TRIM34: variants seen among roughly 807,000 people sequenced by gnomAD.
The protein encoded by TRIM34 is E3 ubiquitin-protein ligase TRIM34.
Under a neutral mutation model 38.1 loss-of-function variants are expected in TRIM34, and 41 were observed. The observed-to-expected ratio is 1.08, with a 90% CI of 0.84 to 1.40. TRIM34 has a LOEUF of 1.40. Among genes scored for constraint, TRIM34 ranks in the 40% most tolerant of loss-of-function variants. The pLI is 0.00. For synonymous variants in TRIM34, 200 were observed against 202.5 expected, an observed-to-expected ratio of 0.99 and a Z score of 0.10; for missense variants, 556 against 571.4, an observed-to-expected ratio of 0.97 and a Z score of 0.27.
intron 1 of TRIM34, among the ~76,000 whole-genome samples, chr11:5,627,816 T>C (rs895061071): frequency 4.6e-5 from 7 of 152,192 alleles, no homozygotes; most frequent in African/African-American, 1.7e-4. Flanking sequence ...AAGAAGTGTC[T>C]AGGATATTGT....
rs1850060041 is a variant in TRIM34, at chr11:5,642,559, A to G, written c.874+53A>G. ...ATGTGGGATTGTTGTGGTGTCAGGTAATAAACTGTCTAGGTGGGATAACTT... is the reference window on the plus strand; with the variant it reads ...ATGTGGGATTGTTGTGGTGTCAGGTGATAAACTGTCTAGGTGGGATAACTT... On this transcript the variant is annotated intron_variant, in intron 6 of 7. Coordinates refer to ENST00000429814, the MANE Select transcript of TRIM34 (RefSeq NM_021616.6). 13 of 1,595,396 alleles carry G rather than the reference A, an allele frequency of 8.1e-6. No individual in the cohort carries two copies. In the Admixed American group the frequency reaches 2.1e-4, roughly 26 times the overall value.
At chr11:5,629,042 C>A (rs188171147) in intron 1 of TRIM34, among the ~76,000 whole-genome samples, 3 of 152,006 alleles carry the variant, frequency 2.0e-5, no homozygotes, top group Non-Finnish European at 4.4e-5. Context: ...TTTGGGAGGC[C>A]GAGACAGGTG....
rs1344009813 is a variant in TRIM34, at chr11:5,634,878, A to G, written c.750+17A>G. On this transcript the variant is annotated intron_variant, in intron 4 of 7. Transcript: ENST00000429814. ...CTGCTGCAGGTAAGAAGGTTCGCTCAATCTGAGATTCTGGGAACACAGTTC... is the reference window on the plus strand; with the variant it reads ...CTGCTGCAGGTAAGAAGGTTCGCTCGATCTGAGATTCTGGGAACACAGTTC... 1 of 1,606,800 alleles carries G rather than the reference A, an allele frequency of 6.2e-7. No individual in the cohort carries two copies. Among genetic ancestry groups the G allele is most frequent in the Non-Finnish European group, 8.5e-7 (1 of 1,175,540 alleles).
chr11:5,638,765 G>A (rs1849855100), intron 4 of TRIM34, among the ~76,000 whole-genome samples: 1 of 151,422 alleles, frequency 6.6e-6, no homozygotes, highest in African/African-American at 2.4e-5. Flanking sequence ...ATGTAGTATT[G>A]TACCTGTACA....
chr11:5,639,647 T>C (rs1307240471), intron 4 of TRIM34, among the ~76,000 whole-genome samples: 1 of 116,278 alleles, frequency 8.6e-6, no homozygotes, highest in East Asian at 2.7e-4. Flanking sequence ...ACCACTGCAC[T>C]CCAGCCTGGG....
chr11:5,634,607 A>G, intron 3 of TRIM34, 24 bp from the exon 4 acceptor site: 1 of 1,598,424 alleles, frequency 6.3e-7, no homozygotes, highest in African/African-American at 1.4e-5. Flanking sequence ...ACTTACTACA[A>G]CTCTCTCTTG....
chr11:5,642,640 G>A (rs1197519643), intron 6 of TRIM34, 134 bp downstream of exon 6: 9 of 1,389,070 alleles, frequency 6.5e-6, no homozygotes, highest in African/African-American at 1.5e-5. Flanking sequence ...ATTCTGTGGT[G>A]AAGAGGATGC....
intron 4 of TRIM34, among the ~76,000 whole-genome samples, chr11:5,635,069 T>A (rs1849673973): frequency 6.6e-6 from 1 of 152,150 alleles, no homozygotes; most frequent in Non-Finnish European, 1.5e-5. Flanking sequence ...ATCCATTATA[T>A]CTAGTTATAG....
intron 1 of TRIM34, among the ~76,000 whole-genome samples, chr11:5,631,933 T>C (rs1395775388): frequency 1.3e-5 from 2 of 152,182 alleles, no homozygotes; most frequent in African/African-American, 4.8e-5. Context: ...GTACACTGAA[T>C]GATGAGTTTG....
At chr11:5,637,739 C>T (rs1308558240) in intron 4 of TRIM34, among the ~76,000 whole-genome samples, 1 of 152,160 alleles carries the variant, frequency 6.6e-6, no homozygotes, top group Non-Finnish European at 1.5e-5. Context: ...AAACAGCTCC[C>T]CATTCCCTTT....
At chr11:5,626,098 C>T (rs1849210758) in intron 1 of TRIM34, among the ~76,000 whole-genome samples, 1 of 152,222 alleles carries the variant, frequency 6.6e-6, no homozygotes, top group African/African-American at 2.4e-5. Context: ...CATCCTGTGT[C>T]TCTGCCTTAC....
At chr11:5,636,903 T>C (rs1339215383) in intron 4 of TRIM34, among the ~76,000 whole-genome samples, 5 of 152,198 alleles carry the variant, frequency 3.3e-5, no homozygotes, top group African/African-American at 9.7e-5. Flanking sequence ...TCCCAGCACT[T>C]TGGGAGGCCG....
chr11:5,638,874 C>G (rs1168300596), intron 4 of TRIM34, among the ~76,000 whole-genome samples: 1 of 152,110 alleles, frequency 6.6e-6, no homozygotes, highest in East Asian at 1.9e-4. Flanking sequence ...GGGAGAAGGT[C>G]AGAGTAACTA....
At chr11:5,635,222 A>G (rs1421601993) in intron 4 of TRIM34, among the ~76,000 whole-genome samples, 1 of 151,636 alleles carries the variant, frequency 6.6e-6, no homozygotes, top group Admixed American at 6.6e-5. Flanking sequence ...AGTTTAAAAT[A>G]TGCTTATTTG....
chr11:5,638,363 A>T (rs1343888460), intron 4 of TRIM34, among the ~76,000 whole-genome samples: 6 of 152,232 alleles, frequency 3.9e-5, no homozygotes, highest in Admixed American at 3.9e-4. Flanking sequence ...GCCATCTGTG[A>T]CTAAAGTAAT....
At chr11:5,640,312 C>T (rs187729544) in intron 4 of TRIM34, among the ~76,000 whole-genome samples, 18 of 151,596 alleles carry the variant, frequency 1.2e-4, no homozygotes, top group Admixed American at 5.2e-4. Context: ...AGTTTGTTAC[C>T]ATTCCTGTTT....
chr11:5,629,325 C>T (rs1278594223), intron 1 of TRIM34, among the ~76,000 whole-genome samples: 1 of 152,066 alleles, frequency 6.6e-6, no homozygotes, highest in Non-Finnish European at 1.5e-5. Flanking sequence ...CTGTCTTTAT[C>T]CAGTATGACC....
At chr11:5,623,534 A>ATTT (rs372066980), upstream of TRIM34, among the ~76,000 whole-genome samples, 12,163 of 126,494 alleles carry the variant, frequency 0.096, 1,113 homozygotes, top group East Asian at 0.41. Context: ...TGCCCGGCTA[A>ATTT]TTTTTTTTTT....
At chr11:5,633,306 G>A (rs75160279) in intron 2 of TRIM34, among the ~76,000 whole-genome samples, 2,942 of 151,926 alleles carry the variant, frequency 0.019, 92 homozygotes, top group African/African-American at 0.068. Flanking sequence ...CTTTCACACT[G>A]TGCTCAGCTT....
Sources: allele counts gnomAD v4.1 joint callset (sites outside exome capture counted in the v4.1 genomes callset), GRCh38; gene constraint gnomAD v4.1.1; transcripts MANE v1.5; gene names NCBI Gene and HGNC (gene_info 2026-07-23, HGNC 2026-07-21).